The following CCDC88C variants were observed in gnomAD, a reference collection of about 807,000 sequenced individuals.
CCDC88C encodes the protein coiled-coil and HOOK domain protein 88C.
A neutral mutation model predicts 198.8 loss-of-function variants in CCDC88C; 131 were observed. The observed-to-expected ratio is 0.66, with a 90% CI of 0.57 to 0.76. CCDC88C has a LOEUF of 0.76. CCDC88C is among the 30% of genes least tolerant of loss of function. CCDC88C has a pLI of 0.00. For synonymous variants in CCDC88C, 1,166 were observed against 1,114.7 expected (o/e 1.05, Z -0.92); for missense variants, 2,553 against 2,631.6 (o/e 0.97, Z 0.65).
At position 91,339,935 on chromosome 14, in the gene CCDC88C, G is replaced by A. The variant is rs1196232546; in HGVS notation, c.573C>T (p.Ser191=). ...APEELEALSR[S]MVLHLRRLID... is the part of the protein sequence containing the mutation. The stretch of plus-strand genomic sequence containing the variant: ...TGAGCCTCCGCAGGTGGAGCACCAT[G>A]CTCCTCGACAGGGCCTCCAGCTCCT... The change falls in exon 7 of 30, where the codon AGC becomes AGT. Residue 191 remains serine, a synonymous_variant. Transcript: ENST00000389857. The surrounding 1 kb of genome is among the most constrained non-coding windows in gnomAD (Gnocchi z 5.8). The A allele has an allele frequency of 6.3e-6, 10 of 1,596,792 alleles. No individual in the cohort carries two copies. The highest frequency in any genetic ancestry group is 1.3e-5 in the African/African-American group (1 of 74,502).
intron 21 of CCDC88C, among the ~76,000 whole-genome samples, chr14:91,299,621 C>T (rs370145915): frequency 2.6e-5 from 4 of 152,210 alleles, no homozygotes; most frequent in African/African-American, 7.2e-5. Flanking sequence ...CCTTCATGAG[C>T]AAGAGGCAGG....
At chr14:91,376,012 C>T (rs1261512985) in intron 3 of CCDC88C, among the ~76,000 whole-genome samples, 1 of 152,202 alleles carries the variant, frequency 6.6e-6, no homozygotes, top group African/African-American at 2.4e-5. Flanking sequence ...CGCGAGTTCA[C>T]AGGAGAAGAG....
intron 25 of CCDC88C, among the ~76,000 whole-genome samples, chr14:91,287,636 CTTTT>C (rs71120129): frequency 5.1e-3 from 384 of 75,602 alleles, no homozygotes; most frequent in African/African-American, 0.017. Flanking sequence ...TGCACCAGGT[CTTTT>C]TTTTTTTTTT....
rs1891909525 is a variant in CCDC88C at position 91,313,114 on chromosome 14, G to C, written c.2702C>G (p.Thr901Ser). ...AGTTGTCAGTGTCCTTGCATGCACG[G>C]TGACTTGCTTGGTGAGGTCCCGGTT... ...KDNRDLTKQV[T>S]VHARTLTTLR... The change falls in exon 15 of 30, where the codon ACC (threonine) becomes AGC (serine). Residue 901 changes from threonine (T) to serine (S), a missense_variant. Thr to Ser is a moderately conservative substitution (Grantham distance 58, BLOSUM62 1). This residue lies in a region of CCDC88C where 1,260 missense variants were observed against 1,412.0 expected (regional missense o/e 0.89). Coordinates refer to ENST00000389857, the MANE Select transcript of CCDC88C (RefSeq NM_001080414.4). This position sits in a 1 kb window ranked among gnomAD's most constrained non-coding sequence, Gnocchi z 5.2. The C allele has an allele frequency of 4.4e-6, 7 of 1,601,758 alleles. No individual in the cohort carries two copies. Among genetic ancestry groups the C allele is most frequent in the Non-Finnish European group, 6.0e-6 (7 of 1,171,730 alleles).
At chr14:91,297,609 A>G (rs1347069402) in intron 21 of CCDC88C, 118 bp from the exon 22 acceptor site, 17 of 1,019,450 alleles carry the variant, frequency 1.7e-5, no homozygotes, top group Non-Finnish European at 2.4e-5. Flanking sequence ...CCTTAGACAA[A>G]ATCACAACCT....
At chr14:91,295,625 G>A (rs745512325) in intron 22 of CCDC88C, among the ~76,000 whole-genome samples, 9 of 152,204 alleles carry the variant, frequency 5.9e-5, no homozygotes, top group African/African-American at 1.7e-4. Context: ...ATTAGATGCC[G>A]GGCAACAAAC....
intron 3 of CCDC88C, among the ~76,000 whole-genome samples, chr14:91,394,184 C>T (rs528009302): frequency 6.6e-6 from 1 of 152,302 alleles, no homozygotes; most frequent in East Asian, 1.9e-4. Context: ...TTAATTTCCA[C>T]CCCCCAGGGA....
chr14:91,281,305 C>T, intron 27 of CCDC88C, 152 bp downstream of exon 27: 13 of 1,522,032 alleles, frequency 8.5e-6, no homozygotes, highest in South Asian at 1.2e-5. Flanking sequence ...ACACGCTCAG[C>T]CCCCTGGGGA....
rs1365058938 is a variant in CCDC88C, at chr14:91,289,172, G to A, written c.4374C>T (p.Pro1458=). 13 of 1,613,828 alleles carry A rather than the reference G, an allele frequency of 8.1e-6. No homozygotes were observed. The South Asian group carries it at 8.8e-5, about 11-fold the overall frequency. The change falls in exon 25 of 30, where the codon CCC becomes CCT. Residue 1458 remains proline (P), a synonymous_variant. Transcript: ENST00000389857. ...SQPLRSQAEN[P]DTPALGSNCA... ...AGTTGGAGCCCAGTGCGGGGGTGTCGGGGTTCTCGGCCTGTGATCTGAGCG... is the reference window on the plus strand; with the variant it reads ...AGTTGGAGCCCAGTGCGGGGGTGTCAGGGTTCTCGGCCTGTGATCTGAGCG...
At chr14:91,296,437 C>T (rs1451743764) in intron 22 of CCDC88C, among the ~76,000 whole-genome samples, 1 of 152,264 alleles carries the variant, frequency 6.6e-6, no homozygotes, top group East Asian at 1.9e-4. Context: ...CTGGAAGATC[C>T]TGACGCACCT....
intron 24 of CCDC88C, 45 bp downstream of exon 24, chr14:91,290,950 G>T: frequency 1.7e-6 from 2 of 1,206,560 alleles, no homozygotes; most frequent in Admixed American, 2.0e-5. Context: ...AGAAAAGGAA[G>T]CTTTTAAGTT....
intron 13 of CCDC88C, among the ~76,000 whole-genome samples, chr14:91,318,207 C>T (rs941467640): frequency 3.9e-5 from 6 of 152,072 alleles, no homozygotes; most frequent in African/African-American, 1.4e-4. Context: ...ACTGCTTGAG[C>T]CCAGGGGTTT....
At chr14:91,414,194 T>C (rs758264443) in intron 2 of CCDC88C, among the ~76,000 whole-genome samples, 1 of 152,212 alleles carries the variant, frequency 6.6e-6, no homozygotes, top group Non-Finnish European at 1.5e-5. Context: ...CCTCAAATCC[T>C]TTCTGGATTA....
chr14:91,376,378 C>T (rs74084802), intron 3 of CCDC88C, among the ~76,000 whole-genome samples: 8,432 of 152,242 alleles, frequency 0.055, 563 homozygotes, highest in African/African-American at 0.16. Context: ...ACCCAACAAG[C>T]GTTTAGTGAG....
chr14:91,383,677 C>T (rs1884950910), intron 3 of CCDC88C, among the ~76,000 whole-genome samples: 1 of 152,162 alleles, frequency 6.6e-6, no homozygotes, highest in East Asian at 1.9e-4. Flanking sequence ...ACCAGACACC[C>T]CTGGGAACAG....
intron 4 of CCDC88C, among the ~76,000 whole-genome samples, chr14:91,358,711 C>T (rs1039611741): frequency 5.9e-5 from 9 of 152,124 alleles, no homozygotes; most frequent in African/African-American, 2.2e-4. Flanking sequence ...CTATGTTGCC[C>T]AGGCTGGTCT....
At chr14:91,326,347 C>T (rs1892583892) in intron 10 of CCDC88C, among the ~76,000 whole-genome samples, 1 of 152,146 alleles carries the variant, frequency 6.6e-6, no homozygotes, top group South Asian at 2.1e-4. Context: ...CAAGTAGCTG[C>T]AATTACAGGC....
chr14:91,384,616 A>G, intron 3 of CCDC88C: 1 of 407,372 alleles, frequency 2.5e-6, no homozygotes, highest in South Asian at 1.8e-5. Context: ...TGTGCTGCAC[A>G]CTACGCACTG....
intron 3 of CCDC88C, among the ~76,000 whole-genome samples, chr14:91,393,793 G>A (rs770898762): frequency 1.7e-4 from 26 of 152,216 alleles, no homozygotes; most frequent in Non-Finnish European, 3.2e-4. Context: ...GACAGAGGTT[G>A]CAGTGAGCCG....
Sources: allele counts gnomAD v4.1 joint callset (sites outside exome capture counted in the v4.1 genomes callset), GRCh38; gene constraint gnomAD v4.1.1; regional missense constraint gnomAD v4.1.1; non-coding constraint Gnocchi (gnomAD v3.1); transcripts MANE v1.5; gene names NCBI Gene and HGNC (gene_info 2026-07-23, HGNC 2026-07-21).